The following RFX7 variants were observed in gnomAD, a reference collection of about 807,000 sequenced individuals.
RFX7 encodes DNA-binding protein RFX7.
A neutral mutation model predicts 111.8 loss-of-function variants in RFX7; 26 were observed. The observed-to-expected ratio is 0.23, with a 90% confidence interval of 0.17 to 0.32. The LOEUF (loss-of-function observed/expected upper bound fraction) is 0.32. Among genes scored for constraint, RFX7 ranks in the 10% least tolerant of loss-of-function variants. The pLI is 1.00. For missense variants in RFX7, 1,573 were observed against 1,772.9 expected (o/e 0.89, Z 2.02); for synonymous variants, 624 against 624.4 (o/e 1.00, Z 0.01).
In RFX7 at chr15:56,101,232, G is replaced by A. The variant is rs555311276; in HGVS notation, c.811+127C>T. On this transcript the variant is annotated intron_variant, in intron 8 of 9. Coordinates refer to ENST00000559447, the MANE Select transcript of RFX7 (RefSeq NM_022841.7). ...GACCCATCTGAATTTAGTGTTAAGC[G>A]GAGTAAGAGTGAACACATGCAAGTA... 46 of 710,970 alleles carry A rather than the reference G, an allele frequency of 6.5e-5. 1 individual carries two copies. Among genetic ancestry groups the A allele is most frequent in the South Asian group, 4.8e-4 (25 of 52,430 alleles). 44.0% of individuals were successfully genotyped at this position (710,970 alleles called of 1,614,324 possible). A position where few individuals can be genotyped will look rare whatever the true frequency, so the allele number is the denominator to read the frequency against.
intron 2 of RFX7, among the ~76,000 whole-genome samples, chr15:56,199,318 T>G (rs1424553134): frequency 6.6e-6 from 1 of 152,170 alleles, no homozygotes; most frequent in Non-Finnish European, 1.5e-5. Context: ...TATTTTCCTT[T>G]TTTGCTGTCC....
At chr15:56,145,533 C>T (rs2042456419) in intron 3 of RFX7, among the ~76,000 whole-genome samples, 1 of 152,194 alleles carries the variant, frequency 6.6e-6, no homozygotes, top group East Asian at 1.9e-4. Flanking sequence ...CCATGGCCTA[C>T]AGGTATTTTC....
At chr15:56,168,722 A>G (rs1317427891) in intron 3 of RFX7, among the ~76,000 whole-genome samples, 2 of 152,140 alleles carry the variant, frequency 1.3e-5, no homozygotes, top group East Asian at 3.9e-4. Flanking sequence ...TGAAGTTCCT[A>G]AAGTGGTTTT....
rs762386628 is a variant in RFX7 at position 56,095,116 on chromosome 15, G to A, written c.2612C>T (p.Thr871Ile). ...ATCAAAAGGAAAGTAGCTTTCATTTGTCTGGGAAACAGAAGGCTCAAACTC... is the reference window on the plus strand; with the variant it reads ...ATCAAAAGGAAAGTAGCTTTCATTTATCTGGGAAACAGAAGGCTCAAACTC... The part of the protein sequence containing the change: ...LKEFEPSVSQ[T>I]NESYFPFDDE... The change falls in exon 10 of 10, where the codon ACA (threonine) becomes ATA (isoleucine). Residue 871 changes from threonine to isoleucine, a missense_variant. By Grantham distance (89) the Thr-to-Ile change is moderately conservative. Around this residue, in one of 7 missense-constraint regions of RFX7, gnomAD observed 625 missense variants for 632.2 expected, o/e 0.99. Transcript: ENST00000559447. The A allele has an allele frequency of 3.7e-6, 6 of 1,613,696 alleles. No individual in the cohort carries two copies. The highest frequency in any genetic ancestry group is 5.1e-6 in the Non-Finnish European group (6 of 1,179,782).
rs550808726 is a variant in RFX7 at position 56,090,805 on chromosome 15, A to T, written c.*2540T>A. 1 of 152,712 alleles carries T rather than the reference A, an allele frequency of 6.5e-6. No individual in the cohort carries two copies. Among genetic ancestry groups the T allele is most frequent in the South Asian group, 2.1e-4 (1 of 4,824 alleles). The allele number at this position is 152,712 out of a possible 1,614,324, so 9.5% of individuals were successfully genotyped here. On this transcript the variant is annotated 3_prime_UTR_variant, in exon 10 of 10. Coordinates refer to ENST00000559447, the MANE Select transcript of RFX7 (RefSeq NM_022841.7). ...CCTCAGAAGCACTGCACAAAAAAACACTTTCCTTCTTTTCAGTTCAAAAGT... is the reference window on the plus strand; with the variant it reads ...CCTCAGAAGCACTGCACAAAAAAACTCTTTCCTTCTTTTCAGTTCAAAAGT...
At chr15:56,126,186 G>A (rs1411256167) in intron 5 of RFX7, among the ~76,000 whole-genome samples, 4 of 152,150 alleles carry the variant, frequency 2.6e-5, no homozygotes. Flanking sequence ...TAGTATCAGT[G>A]AACTGCATAG....
At chr15:56,139,476 T>G (rs2042356786) in intron 5 of RFX7, among the ~76,000 whole-genome samples, 1 of 152,218 alleles carries the variant, frequency 6.6e-6, no homozygotes, top group Admixed American at 6.5e-5. Flanking sequence ...TCAGCTCCTT[T>G]AAGCACTTCT....
intron 5 of RFX7, among the ~76,000 whole-genome samples, chr15:56,132,280 G>T (rs1236042801): frequency 6.6e-6 from 1 of 151,910 alleles, no homozygotes; most frequent in African/African-American, 2.4e-5. Context: ...GGAAACTTGT[G>T]AAAAAGAGGT....
At chr15:56,212,694 GTTAA>G (rs1309764178) in intron 2 of RFX7, among the ~76,000 whole-genome samples, 1 of 151,994 alleles carries the variant, frequency 6.6e-6, no homozygotes. Context: ...TTTAAAAAAA[GTTAA>G]TTAAAGAAGA....
At position 56,194,353 on chromosome 15, in the gene RFX7, C is replaced by T. The variant is rs370661966; in HGVS notation, c.162-15050G>A. Among the ~76,000 whole-genome samples, 2 of 152,054 alleles carry T rather than the reference C, an allele frequency of 1.3e-5. 1 individual carries two copies. ...CCAGATACTAGATTTAACCCAAAGA[C>T]AATCTGAAATAGAGGAGGTATACTA... On this transcript the variant is annotated intron_variant, in intron 2 of 9. Transcript: ENST00000559447.
chr15:56,221,492 T>C (rs1404393828), intron 2 of RFX7, among the ~76,000 whole-genome samples: 2 of 152,208 alleles, frequency 1.3e-5, no homozygotes, highest in Admixed American at 1.3e-4. Flanking sequence ...AGTATATAGT[T>C]GGAGCTTGCT....
intron 2 of RFX7, among the ~76,000 whole-genome samples, chr15:56,217,324 C>T (rs528204895): frequency 1.3e-5 from 2 of 152,244 alleles, no homozygotes; most frequent in Admixed American, 1.3e-4. Flanking sequence ...TCCACTTTCG[C>T]ATTTTCCCTA....
chr15:56,195,269 C>A (rs1896477533), intron 2 of RFX7, among the ~76,000 whole-genome samples: 1 of 152,040 alleles, frequency 6.6e-6, no homozygotes. Context: ...TGAAGAGTGA[C>A]TGCTTAATGC....
chr15:56,107,809 G>A (rs1353215510), intron 5 of RFX7, among the ~76,000 whole-genome samples: 9 of 151,978 alleles, frequency 5.9e-5, no homozygotes, highest in African/African-American at 1.5e-4. Flanking sequence ...AGGCGATATC[G>A]CCACTGATCC....
At chr15:56,177,098 A>G (rs1269583265) in intron 3 of RFX7, among the ~76,000 whole-genome samples, 1 of 152,158 alleles carries the variant, frequency 6.6e-6, no homozygotes, top group African/African-American at 2.4e-5. Context: ...AAGTTCCAGC[A>G]TACTGGGATC....
chr15:56,229,878 C>T (rs2043530700), intron 2 of RFX7, among the ~76,000 whole-genome samples: 1 of 151,744 alleles, frequency 6.6e-6, no homozygotes, highest in African/African-American at 2.4e-5. Flanking sequence ...ACATCAGTAG[C>T]CAGGGTAGCC....
intron 3 of RFX7, among the ~76,000 whole-genome samples, chr15:56,169,700 C>CTTTT (rs35597885): frequency 6.2e-4 from 60 of 96,864 alleles, no homozygotes; most frequent in African/African-American, 1.4e-3. Context: ...CTAGTCAGTT[C>CTTTT]TTTTTTTTTT....
At chr15:56,199,283 G>A (rs2043172566) in intron 2 of RFX7, among the ~76,000 whole-genome samples, 2 of 152,122 alleles carry the variant, frequency 1.3e-5, no homozygotes, top group Non-Finnish European at 2.9e-5. Context: ...AGGATATAAT[G>A]ACTCATTTTT....
At position 56,094,833 on chromosome 15, in the gene RFX7, T is replaced by G. The variant is rs1369925256; in HGVS notation, c.2895A>C (p.Thr965=). The stretch of plus-strand genomic sequence containing the variant: ...TCTGAGATCCAGCAATCATTTCAGA[T>G]GTCGGGGTTGGGGTTGGGGTTGGAG... The part of the protein sequence containing the change: ...TPTPTPTPTP[T]SEMIAGSQSL... Residue 965 remains threonine, a synonymous_variant, in exon 10 of 10, where the codon ACA becomes ACC. Coordinates refer to ENST00000559447, the MANE Select transcript of RFX7 (RefSeq NM_022841.7). 6.4e-7 allele frequency: 1 copy of G among 1,564,122 alleles called. No individual in the cohort carries two copies. The highest frequency in any genetic ancestry group is 1.4e-5 in the African/African-American group (1 of 73,938).
Sources: gnomAD v4.1 joint callset for allele counts (sites outside exome capture counted in the v4.1 genomes callset) on GRCh38, gnomAD v4.1.1 for gene constraint, gnomAD v4.1.1 regional missense constraint, MANE v1.5 for transcripts, NCBI Gene and HGNC (gene_info 2026-07-23, HGNC 2026-07-21) for gene names.